PIK3CD: variants seen among roughly 807,000 people sequenced by gnomAD.
PIK3CD encodes phosphatidylinositol-4,5-bisphosphate 3-kinase catalytic subunit delta, also known as phosphatidylinositol 4,5-bisphosphate 3-kinase catalytic subunit delta isoform.
Under a neutral mutation model 122.9 loss-of-function variants are expected in PIK3CD, and 20 were observed. That is an observed-to-expected ratio of 0.16 (90% CI 0.11 to 0.24). PIK3CD has a LOEUF of 0.24. PIK3CD is among the 10% of genes least tolerant of loss of function. The pLI is 1.00. For synonymous variants in PIK3CD, 596 were observed against 593.4 expected, an observed-to-expected ratio of 1.00 and a Z score of -0.06; for missense variants, 787 against 1,406.3, an observed-to-expected ratio of 0.56 and a Z score of 7.04.
rs574640997 is a variant in PIK3CD, at chr1:9,655,492, G to A, written c.-138+3690G>A. Among the ~76,000 whole-genome samples, 170 of 81,266 alleles carry A rather than the reference G, an allele frequency of 2.1e-3. 1 individual carries two copies. The highest frequency in any genetic ancestry group is 0.016 in the African/African-American group (166 of 10,178). The allele number at this position is 81,266 out of a possible 152,430, so 53.3% of individuals were successfully genotyped here. A position where few individuals can be genotyped will look rare whatever the true frequency, so the allele number is the denominator to read the frequency against. ...CAGCTAAACACTGTGACTTGCTGTG[G>A]GTCCTACCAAAATAACGGCCATTCT... On this transcript the variant is annotated intron_variant, in intron 1 of 23. Coordinates refer to ENST00000377346, the MANE Select transcript of PIK3CD (RefSeq NM_005026.5).
chr1:9,634,099 G>A, the PIK3CD span, among the ~76,000 whole-genome samples: 1 of 149,856 alleles, frequency 6.7e-6, no homozygotes, highest in African/African-American at 2.5e-5. Context: ...AGTTTCCTGA[G>A]TAACTGGGAC....
the PIK3CD span, among the ~76,000 whole-genome samples, chr1:9,638,405 G>A: frequency 6.6e-6 from 1 of 151,940 alleles, no homozygotes; most frequent in Admixed American, 6.6e-5. Context: ...CCTCCCTGCA[G>A]AACCTCCAAA....
At chr1:9,638,107 AAAATAAATAAAT>A in the PIK3CD span, among the ~76,000 whole-genome samples, 1 of 151,548 alleles carries the variant, frequency 6.6e-6, no homozygotes, top group Non-Finnish European at 1.5e-5. Flanking sequence ...ACTCTGTCTC[AAAATAAATAAAT>A]AAATAAATAA....
chr1:9,718,535 G>A lies in PIK3CD; in HGVS notation c.1021-159G>A, dbSNP rs1647931614. Among the ~76,000 whole-genome samples, 1 of 152,072 alleles carries A rather than the reference G, an allele frequency of 6.6e-6. No homozygotes were observed. The highest frequency in any genetic ancestry group is 2.4e-5 in the African/African-American group (1 of 41,402). ...CCTCCCTCACCCCAGGGCCGCTCAT[G>A]CCCCTCAGGCCTTCCCTGTGCTGCA... On this transcript the variant is annotated intron_variant, in intron 8 of 23. Coordinates refer to ENST00000377346, the MANE Select transcript of PIK3CD (RefSeq NM_005026.5). The surrounding 1 kb of genome is among the most constrained non-coding windows in gnomAD (Gnocchi z 7.2).
chr1:9,629,322 G>T, the PIK3CD span, among the ~76,000 whole-genome samples: 2 of 151,946 alleles, frequency 1.3e-5, no homozygotes, highest in East Asian at 3.9e-4. Context: ...AGAGGCCGGG[G>T]CACCTGTCCT....
chr1:9,639,042 C>T, the PIK3CD span, among the ~76,000 whole-genome samples: 1 of 152,074 alleles, frequency 6.6e-6, no homozygotes, highest in Non-Finnish European at 1.5e-5. Flanking sequence ...GTCGGGATTA[C>T]ACGCGTGAGC....
the PIK3CD span, among the ~76,000 whole-genome samples, chr1:9,640,692 A>C: frequency 6.6e-6 from 1 of 152,034 alleles, no homozygotes; most frequent in Non-Finnish European, 1.5e-5. Flanking sequence ...GAGCAAGGAA[A>C]TGTACGGGTG....
the PIK3CD span, among the ~76,000 whole-genome samples, chr1:9,629,966 G>A: frequency 1.4e-4 from 22 of 152,370 alleles, no homozygotes; most frequent in African/African-American, 3.1e-4. Flanking sequence ...AAGGAAGCCC[G>A]GGGGTCAGAG....
At chr1:9,692,899 G>A (rs558780446) in intron 2 of PIK3CD, among the ~76,000 whole-genome samples, 8 of 152,176 alleles carry the variant, frequency 5.3e-5, no homozygotes, top group East Asian at 3.9e-4. Context: ...GAACCCCAGC[G>A]CTCCCCTGCA....
intron 1 of PIK3CD, among the ~76,000 whole-genome samples, chr1:9,677,346 C>T (rs1017761423): frequency 5.9e-5 from 9 of 152,170 alleles, no homozygotes; most frequent in South Asian, 4.2e-4. Context: ...ATATGGCCAT[C>T]TTAAGATTGC....
chr1:9,627,331 G>C, the PIK3CD span, among the ~76,000 whole-genome samples: 1 of 152,260 alleles, frequency 6.6e-6, no homozygotes, highest in African/African-American at 2.4e-5. Flanking sequence ...TCCTGCAGGG[G>C]TGGCGGCAGC....
In PIK3CD at chr1:9,722,422, T is replaced by TG; in HGVS notation, c.2347+71dup. On this transcript the variant is annotated intron_variant, in intron 18 of 23. Coordinates refer to ENST00000377346, the MANE Select transcript of PIK3CD (RefSeq NM_005026.5). This position sits in a 1 kb window ranked among gnomAD's most constrained non-coding sequence, Gnocchi z 7.6. ...GGGGGGTCCTGGGGTGCTCCTAGAG[T>TG]GGGGGTGGAGAAGACAGAATCCTGG... is the stretch of plus-strand genomic sequence containing the variant. 2.6e-6 allele frequency: 4 copies of TG among 1,546,124 alleles called. No individual in the cohort carries two copies. The highest frequency in any genetic ancestry group is 2.7e-6 in the Non-Finnish European group (3 of 1,120,596).
At chr1:9,683,477 A>G (rs1645849717) in intron 1 of PIK3CD, among the ~76,000 whole-genome samples, 1 of 151,920 alleles carries the variant, frequency 6.6e-6, no homozygotes, top group Non-Finnish European at 1.5e-5. Flanking sequence ...ACAACAAAAA[A>G]AACGAGCCTT....
In PIK3CD at chr1:9,720,071, G is replaced by A. The variant is rs769509326; in HGVS notation, c.1340-41G>A. 6.2e-7 allele frequency: 1 copy of A among 1,613,380 alleles called. No individual in the cohort carries two copies. The highest frequency in any genetic ancestry group is 2.2e-5 in the East Asian group (1 of 44,882). ...TTGGGAGTGTGAGGGTCCCAGAGAT[G>A]CTGGTCACCCCTCTACAACTTCATC... On this transcript the variant is annotated intron_variant, in intron 10 of 23. Transcript: ENST00000377346. This position sits in a 1 kb window ranked among gnomAD's most constrained non-coding sequence, Gnocchi z 9.0.
chr1:9,725,061 C>T (rs1649297802), intron 23 of PIK3CD, 125 bp downstream of exon 23: 1 of 1,230,704 alleles, frequency 8.1e-7, no homozygotes, highest in East Asian at 2.5e-5. Context: ...GTGCCTCATG[C>T]CGTCCCAGGA....
chr1:9,627,309 G>A, the PIK3CD span, among the ~76,000 whole-genome samples: 5 of 152,370 alleles, frequency 3.3e-5, no homozygotes, highest in Non-Finnish European at 5.9e-5. Flanking sequence ...GCTCCGTGGC[G>A]GCCTCTTTGC....
Position 9,718,590 on chromosome 1 carries a change from C to T in PIK3CD, c.1021-104C>T. The stretch of plus-strand genomic sequence containing the variant: ...CTTCCTTCGTGTGGGAAGTAGAGTT[C>T]AGACCCACCTGAGGACATTCAAGGG... On this transcript the variant is annotated intron_variant, in intron 8 of 23. Coordinates refer to ENST00000377346, the MANE Select transcript of PIK3CD (RefSeq NM_005026.5). The surrounding 1 kb of genome is among the most constrained non-coding windows in gnomAD (Gnocchi z 7.2). The T allele has an allele frequency of 9.2e-7, 1 of 1,083,146 alleles. No homozygotes were observed. Among genetic ancestry groups the T allele is most frequent in the Non-Finnish European group, 1.4e-6 (1 of 726,862 alleles). 67.1% of individuals were successfully genotyped at this position (1,083,146 alleles called of 1,614,324 possible).
chr1:9,715,256 G>T lies in PIK3CD; in HGVS notation c.142-285G>T, dbSNP rs1022398567. On this transcript the variant is annotated intron_variant, in intron 3 of 23. Coordinates refer to ENST00000377346, the MANE Select transcript of PIK3CD (RefSeq NM_005026.5). The surrounding 1 kb of genome is among the most constrained non-coding windows in gnomAD (Gnocchi z 4.1). ...GGTCATGGCCCCCCGTCTCTGGAGT[G>T]ACCTAGGGTGGTCCTGCACTCTGGG... Among the ~76,000 whole-genome samples the T allele has an allele frequency of 1.3e-5, 2 of 152,190 alleles. No individual in the cohort carries two copies. The highest frequency in any genetic ancestry group is 4.8e-5 in the African/African-American group (2 of 41,444).
At position 9,729,023 on chromosome 1, in the gene PIK3CD, G is replaced by GTT. The variant is rs1557685067; in HGVS notation, c.*1977_*1978insTT. The stretch of plus-strand genomic sequence containing the variant: ...GAGAAGACAAACCCCGCTCCGGCTG[G>GTT]AGTTAGTTAGAACCAGAACTTTATT... On this transcript the variant is annotated 3_prime_UTR_variant, in exon 24 of 24. Coordinates refer to ENST00000377346, the MANE Select transcript of PIK3CD (RefSeq NM_005026.5). 6.6e-6 allele frequency: 1 copy of GTT among 152,242 alleles called. No homozygotes were observed. The highest frequency in any genetic ancestry group is 2.4e-5 in the African/African-American group (1 of 41,460). The allele number at this position is 152,242 out of a possible 1,614,324, so 9.4% of individuals were successfully genotyped here.
Sources: gnomAD v4.1 joint callset for allele counts (sites outside exome capture counted in the v4.1 genomes callset) on GRCh38, gnomAD v4.1.1 for gene constraint, Gnocchi (gnomAD v3.1) non-coding constraint, MANE v1.5 for transcripts, NCBI Gene and HGNC (gene_info 2026-07-23, HGNC 2026-07-21) for gene names.